Variants in MS4A5 observed in about 807,000 individuals in gnomAD.
MS4A5 encodes the protein membrane-spanning 4-domains subfamily A member 5.
MS4A5 carries 15 observed loss-of-function variants against 18.2 expected under a neutral mutation model. That is an observed-to-expected ratio of 0.83 (90% CI 0.55 to 1.27). The LOEUF (loss-of-function observed/expected upper bound fraction) is 1.27. Among genes scored for constraint, MS4A5 ranks in the 50% most tolerant of loss-of-function variants. The pLI is 0.00. For synonymous variants in MS4A5, 89 were observed against 78.7 expected, an observed-to-expected ratio of 1.13 and a Z score of -0.69; for missense variants, 232 against 225.7, an observed-to-expected ratio of 1.03 and a Z score of -0.18.
intron 4 of MS4A5, among the ~76,000 whole-genome samples, chr11:60,441,066 G>GA (rs1206161240): frequency 2.0e-5 from 1 of 50,168 alleles, no homozygotes; most frequent in Non-Finnish European, 4.1e-5. Flanking sequence ...AGAAAATGTG[G>GA]CATATATACA....
chr11:60,446,243 C>CAA (rs953726098), intron 4 of MS4A5, among the ~76,000 whole-genome samples: 2 of 152,114 alleles, frequency 1.3e-5, no homozygotes, highest in African/African-American at 4.8e-5. Flanking sequence ...ATATAGTAGA[C>CAA]AAATAAGGCT....
intron 2 of MS4A5, 34 bp downstream of exon 2, chr11:60,430,958 A>G (rs987697715): frequency 3.1e-6 from 5 of 1,592,606 alleles, no homozygotes; most frequent in Non-Finnish European, 4.3e-6. Context: ...ATTTGAAGCC[A>G]TGCCAACCAG....
chr11:60,433,656 C>A, intron 3 of MS4A5, 109 bp from the exon 4 acceptor site: 1 of 1,042,522 alleles, frequency 9.6e-7, no homozygotes, highest in Non-Finnish European at 1.4e-6. Context: ...TGCCTCGTGG[C>A]ATTAAGATGC....
intron 2 of MS4A5, 22 bp downstream of exon 2, chr11:60,430,946 C>T (rs747462558): frequency 8.8e-6 from 14 of 1,597,530 alleles, no homozygotes; most frequent in South Asian, 8.0e-5. Flanking sequence ...CAATCAAGTT[C>T]AATTTGAAGC....
At chr11:60,432,601 C>T (rs796255592) in intron 3 of MS4A5, 134 bp downstream of exon 3, 6 of 465,012 alleles carry the variant, frequency 1.3e-5, no homozygotes, top group African/African-American at 1.2e-4. Context: ...GCCTGGCCAA[C>T]ATGGTGAAAC....
Position 60,432,769 on chromosome 11 carries a change from C to CAAA in MS4A5, c.339+312_339+314dup, listed in dbSNP as rs71036582. Among the ~76,000 whole-genome samples the CAAA allele has an allele frequency of 4.8e-3, 658 of 138,120 alleles. 6 individuals carry two copies. Among genetic ancestry groups the CAAA allele is most frequent in the African/African-American group, 0.013 (484 of 36,698 alleles). 90.6% of individuals were successfully genotyped at this position (138,120 alleles called of 152,430 possible). ...CTGGGCAACGGAAAAGACTCCATCT[C>CAAA]AAAAAAAAAAAACAAAAAAAAGTAA... is the stretch of plus-strand genomic sequence containing the variant. On this transcript the variant is annotated intron_variant, in intron 3 of 4. Transcript: ENST00000300190.
intron 4 of MS4A5, 37 bp downstream of exon 4, chr11:60,433,954 G>A (rs759078122): frequency 6.3e-7 from 1 of 1,575,268 alleles, no homozygotes; most frequent in South Asian, 1.1e-5. Flanking sequence ...TGAGTAAAGG[G>A]CTTAATAGAA....
rs1202641126 is a variant in MS4A5 at position 60,436,940 on chromosome 11, C to T, written c.492+3023C>T. Among the ~76,000 whole-genome samples the T allele has an allele frequency of 1.9e-4, 25 of 132,052 alleles. 1 individual carries two copies. Among genetic ancestry groups the T allele is most frequent in the South Asian group, 2.4e-4 (1 of 4,146 alleles). The allele number at this position is 132,052 out of a possible 152,430, so 86.6% of individuals were successfully genotyped here. A position where few individuals can be genotyped will look rare whatever the true frequency, so the allele number is the denominator to read the frequency against. Reference sequence around the variant, plus strand: ...CAGAGAACGCCACAAAGATACTCCTCGAGAAAAGCAACTCCAAGACACATA... The same window carrying T: ...CAGAGAACGCCACAAAGATACTCCTTGAGAAAAGCAACTCCAAGACACATA... On this transcript the variant is annotated intron_variant, in intron 4 of 4. Transcript: ENST00000300190.
intron 4 of MS4A5, among the ~76,000 whole-genome samples, chr11:60,436,411 C>T (rs1461313318): frequency 7.2e-6 from 1 of 139,620 alleles, no homozygotes; most frequent in African/African-American, 2.5e-5. Flanking sequence ...AGCAACGGAA[C>T]AAAGCTGGAT....
intron 1 of MS4A5, among the ~76,000 whole-genome samples, 157 bp from the exon 2 acceptor site, chr11:60,430,639 A>C (rs1386998327): frequency 6.6e-6 from 1 of 152,200 alleles, no homozygotes; most frequent in African/African-American, 2.4e-5. Flanking sequence ...GGAATTAAGA[A>C]AGTACCCAGG....
chr11:60,447,198 T>C (rs1473560772), intron 4 of MS4A5, among the ~76,000 whole-genome samples: 2 of 152,022 alleles, frequency 1.3e-5, no homozygotes, highest in Non-Finnish European at 2.9e-5. Context: ...TCCTATGCTA[T>C]GCTATCCTAT....
intron 4 of MS4A5, among the ~76,000 whole-genome samples, chr11:60,437,383 G>C (rs1214303547): frequency 6.7e-6 from 1 of 148,532 alleles, no homozygotes; most frequent in Non-Finnish European, 1.5e-5. Context: ...AAAATAACCA[G>C]CTAACATCAT....
intron 4 of MS4A5, among the ~76,000 whole-genome samples, chr11:60,438,010 C>T (rs1014060948): frequency 6.6e-5 from 10 of 151,976 alleles, no homozygotes; most frequent in Non-Finnish European, 1.3e-4. Flanking sequence ...CAAAATTGAC[C>T]ACATATTGGG....
intron 4 of MS4A5, among the ~76,000 whole-genome samples, chr11:60,444,787 A>C (rs2086130712): frequency 6.6e-6 from 1 of 152,226 alleles, no homozygotes; most frequent in Non-Finnish European, 1.5e-5. Flanking sequence ...ATGTGAAGCA[A>C]CTGGAACTCT....
At chr11:60,430,985 T>C in intron 2 of MS4A5, 61 bp downstream of exon 2, 3 of 1,559,350 alleles carry the variant, frequency 1.9e-6, no homozygotes, top group Non-Finnish European at 2.6e-6. Flanking sequence ...AGGGAATTCT[T>C]CACAATGAAA....
chr11:60,434,987 A>G (rs952581370), intron 4 of MS4A5, among the ~76,000 whole-genome samples: 3 of 152,250 alleles, frequency 2.0e-5, no homozygotes, highest in African/African-American at 7.2e-5. Flanking sequence ...CCAAAATAGC[A>G]AAGTCGCTGA....
intron 4 of MS4A5, among the ~76,000 whole-genome samples, chr11:60,441,914 G>A (rs551051443): frequency 2.9e-4 from 44 of 152,182 alleles, no homozygotes; most frequent in African/African-American, 7.2e-4. Context: ...TAAAAGGGTC[G>A]ATTCACAAGA....
chr11:60,438,343 C>G (rs1330448307), intron 4 of MS4A5, among the ~76,000 whole-genome samples: 2 of 152,018 alleles, frequency 1.3e-5, no homozygotes, highest in African/African-American at 2.4e-5. Context: ...AATTGACACC[C>G]TAACATCACA....
intron 4 of MS4A5, among the ~76,000 whole-genome samples, chr11:60,437,485 A>G (rs553058656): frequency 6.6e-6 from 1 of 152,344 alleles, no homozygotes; most frequent in East Asian, 1.9e-4. Context: ...GGCAAATTGG[A>G]TAAAGAGTCA....
Sources: gnomAD v4.1 joint callset for allele counts (sites outside exome capture counted in the v4.1 genomes callset) on GRCh38, gnomAD v4.1.1 for gene constraint, MANE v1.5 for transcripts, NCBI Gene and HGNC (gene_info 2026-07-23, HGNC 2026-07-21) for gene names.